The following MLIP variants were observed in gnomAD, a reference collection of about 807,000 sequenced individuals.
MLIP encodes the protein muscular LMNA interacting protein, also known as muscular LMNA-interacting protein.
Under a neutral mutation model 84.8 loss-of-function variants are expected in MLIP, and 79 were observed. The ratio of observed to expected loss-of-function variants is 0.93; its 90% confidence interval spans 0.78 to 1.12. MLIP has a LOEUF of 1.12. Among genes scored for constraint, MLIP ranks in the 50% most tolerant of loss-of-function variants. The probability of loss-of-function intolerance (pLI) is 0.00; values close to 1 mark genes in which losing one functional copy is unlikely to be tolerated. For synonymous variants in MLIP, 504 were observed against 463.0 expected (o/e 1.09, Z -1.14); for missense variants, 1,257 against 1,160.6 (o/e 1.08, Z -1.21).
intron 1 of MLIP, among the ~76,000 whole-genome samples, chr6:54,079,924 C>A (rs1304680086): frequency 6.6e-6 from 1 of 152,184 alleles, no homozygotes; most frequent in African/African-American, 2.4e-5. Flanking sequence ...AACTGTCCTA[C>A]AGAGTTGACG....
chr6:54,045,113 C>T (rs1476619220), intron 1 of MLIP, among the ~76,000 whole-genome samples: 3 of 151,838 alleles, frequency 2.0e-5, no homozygotes, highest in South Asian at 4.2e-4. Context: ...CTTAGGGAGG[C>T]CGAGGTGGGC....
intron 5 of MLIP, among the ~76,000 whole-genome samples, chr6:54,154,201 G>A (rs80108223): frequency 0.057 from 8,671 of 151,954 alleles, 837 homozygotes; most frequent in African/African-American, 0.2. Flanking sequence ...GGGCCAGATA[G>A]GTCTCTAAAA....
chr6:54,246,310 G>C (rs1489451618), intron 12 of MLIP, among the ~76,000 whole-genome samples: 1 of 151,958 alleles, frequency 6.6e-6, no homozygotes, highest in African/African-American at 2.4e-5. Flanking sequence ...ATACTTTGAG[G>C]CTCTATTTTT....
intron 11 of MLIP, chr6:54,217,897 A>G (rs1202719436): frequency 6.3e-5 from 62 of 984,850 alleles, no homozygotes; most frequent in Non-Finnish European, 7.4e-5. Context: ...CATTTAGAAT[A>G]GTGATCTCTA....
chr6:54,059,643 A>G (rs192070384), intron 1 of MLIP, among the ~76,000 whole-genome samples: 5 of 152,312 alleles, frequency 3.3e-5, no homozygotes, highest in Non-Finnish European at 1.5e-5. Context: ...TGAGTGAACA[A>G]CCCTGGATTC....
rs940398720 is a variant in MLIP at position 54,083,405 on chromosome 6, G to A, written c.64-38042G>A. The stretch of plus-strand genomic sequence containing the variant: ...CTATTTCCAGTCCAGAGTTGTTGGG[G>A]AAGCAGGGAGGAAGGAGGGCATAAT... On this transcript the variant is annotated intron_variant, in intron 1 of 12. Coordinates refer to the MLIP transcript ENST00000274897. 92 of 1,425,500 alleles carry A rather than the reference G, an allele frequency of 6.5e-5. 2 individuals are homozygous for A. The South Asian group carries it at 1.2e-3, about 19-fold the overall frequency. The allele number at this position is 1,425,500 out of a possible 1,614,324, so 88.3% of individuals were successfully genotyped here. A position where few individuals can be genotyped will look rare whatever the true frequency, so the allele number is the denominator to read the frequency against.
intron 5 of MLIP, among the ~76,000 whole-genome samples, chr6:54,154,151 T>C (rs11969948): frequency 6.6e-6 from 1 of 152,108 alleles, no homozygotes; most frequent in Non-Finnish European, 1.5e-5. Context: ...ATATACTATA[T>C]TCTTTACTAA....
chr6:54,044,929 A>C (rs1039886385), intron 1 of MLIP, among the ~76,000 whole-genome samples: 1 of 152,212 alleles, frequency 6.6e-6, no homozygotes, highest in Non-Finnish European at 1.5e-5. Flanking sequence ...TTTCATATTG[A>C]AGTTTAATAT....
At chr6:54,095,182 CAG>C (rs965715453) in intron 1 of MLIP, among the ~76,000 whole-genome samples, 2 of 152,048 alleles carry the variant, frequency 1.3e-5, no homozygotes, top group African/African-American at 4.8e-5. Context: ...GGTGGGTAGA[CAG>C]AGATATAGGA....
intron 12 of MLIP, among the ~76,000 whole-genome samples, chr6:54,239,882 T>C (rs989971831): frequency 7.2e-5 from 11 of 152,188 alleles, no homozygotes; most frequent in Non-Finnish European, 1.5e-4. Flanking sequence ...AGTCAATAAA[T>C]ATTTTTAAAA....
intron 1 of MLIP, among the ~76,000 whole-genome samples, chr6:54,116,441 A>G (rs1314633292): frequency 3.3e-5 from 5 of 152,262 alleles, no homozygotes; most frequent in Non-Finnish European, 7.3e-5. Flanking sequence ...AGAAATACAA[A>G]GTATCATAGA....
chr6:54,086,960 G>A (rs956415251), intron 1 of MLIP, among the ~76,000 whole-genome samples: 6 of 152,046 alleles, frequency 3.9e-5, no homozygotes, highest in Admixed American at 6.6e-5. Flanking sequence ...TTCTCAGCAC[G>A]ACCACAATAT....
chr6:54,140,320 A>G (rs1432513127), intron 4 of MLIP, among the ~76,000 whole-genome samples: 1 of 152,146 alleles, frequency 6.6e-6, no homozygotes, highest in Non-Finnish European at 1.5e-5. Context: ...CTTTTGATAC[A>G]TTAAAGGCAT....
At chr6:54,034,537 T>C (rs1334752765) in intron 1 of MLIP, among the ~76,000 whole-genome samples, 1 of 152,060 alleles carries the variant, frequency 6.6e-6, no homozygotes, top group Non-Finnish European at 1.5e-5. Context: ...TAGTTTATAA[T>C]AAAAGCATTT....
intron 1 of MLIP, among the ~76,000 whole-genome samples, chr6:54,024,583 G>A (rs1763691614): frequency 6.6e-6 from 1 of 152,230 alleles, no homozygotes; most frequent in South Asian, 2.1e-4. Flanking sequence ...AGAGTACTAA[G>A]GGCTGCAGTG....
At position 54,069,871 on chromosome 6, in the gene MLIP, A is replaced by G. The variant is rs1226212683; in HGVS notation, c.63+50780A>G. On this transcript the variant is annotated intron_variant, in intron 1 of 12. Transcript: ENST00000274897. ...ACAAGACAAGCTTAAACTATTTCCT[A>G]TTTCTCTTTGATACTATAAAGTTTT... Among the ~76,000 whole-genome samples the G allele has an allele frequency of 5.0e-5, 5 of 100,214 alleles. 1 individual carries two copies. The East Asian group carries it at 1.1e-3, about 21-fold the overall frequency. The allele number at this position is 100,214 out of a possible 152,430, so 65.7% of individuals were successfully genotyped here.
intron 1 of MLIP, among the ~76,000 whole-genome samples, chr6:54,113,692 T>C (rs1769668263): frequency 6.6e-6 from 1 of 152,206 alleles, no homozygotes; most frequent in Non-Finnish European, 1.5e-5. Context: ...GCCTGGAATT[T>C]AGAATCATCT....
chr6:54,233,999 T>G (rs1370033077), intron 12 of MLIP, among the ~76,000 whole-genome samples: 2 of 152,208 alleles, frequency 1.3e-5, no homozygotes, highest in African/African-American at 4.8e-5. Flanking sequence ...TGTCTTCTTT[T>G]GAGAAGTTTC....
chr6:54,118,002 A>G (rs1770107159), intron 1 of MLIP, among the ~76,000 whole-genome samples: 1 of 152,050 alleles, frequency 6.6e-6, no homozygotes. Context: ...AACAAAAATC[A>G]TTGATGAAAG....
Sources: allele counts gnomAD v4.1 joint callset (sites outside exome capture counted in the v4.1 genomes callset), GRCh38; gene constraint gnomAD v4.1.1; transcripts MANE v1.5; gene names NCBI Gene and HGNC (gene_info 2026-07-23, HGNC 2026-07-21).